Variants in LHFPL2 observed in about 807,000 individuals in gnomAD.
LHFPL2 encodes LHFPL tetraspan subfamily member 2.
LHFPL2 carries 7 observed loss-of-function variants against 17.5 expected under a neutral mutation model. The ratio of observed to expected loss-of-function variants is 0.40; its 90% CI spans 0.23 to 0.75. The LOEUF is 0.75. Among genes scored for constraint, LHFPL2 ranks in the 30% least tolerant of loss-of-function variants. LHFPL2 has a pLI of 0.37. For synonymous variants in LHFPL2, 134 were observed against 116.2 expected (o/e 1.15, Z -0.99); for missense variants, 241 against 294.8 (o/e 0.82, Z 1.34).
At chr5:78,634,833 T>C (rs944388818) in intron 1 of LHFPL2, among the ~76,000 whole-genome samples, 12 of 152,246 alleles carry the variant, frequency 7.9e-5, no homozygotes. Context: ...TGTTCCCATC[T>C]TTCCTGAGTA....
intron 2 of LHFPL2, among the ~76,000 whole-genome samples, chr5:78,571,460 G>A (rs1044836532): frequency 3.3e-5 from 5 of 152,072 alleles, no homozygotes; most frequent in African/African-American, 1.2e-4. Flanking sequence ...TCAGAGAGTG[G>A]TAGGGGTCAC....
intron 3 of LHFPL2, among the ~76,000 whole-genome samples, chr5:78,559,627 A>C (rs901290651): frequency 2.0e-5 from 3 of 152,210 alleles, no homozygotes; most frequent in Admixed American, 6.5e-5. Flanking sequence ...TTAAATCTTG[A>C]ATATCACTGT....
intron 2 of LHFPL2, among the ~76,000 whole-genome samples, chr5:78,620,017 AC>A (rs1744788671): frequency 1.8e-5 from 2 of 113,364 alleles, no homozygotes; most frequent in Non-Finnish European, 1.8e-5. Flanking sequence ...TTGGGTATAT[AC>A]CCAGTAATGG....
At chr5:78,517,785 C>A (rs1378645769) in intron 3 of LHFPL2, among the ~76,000 whole-genome samples, 1 of 152,200 alleles carries the variant, frequency 6.6e-6, no homozygotes, top group Non-Finnish European at 1.5e-5. Context: ...TGGGTGGGGA[C>A]ACAGCCAAAC....
intron 4 of LHFPL2, among the ~76,000 whole-genome samples, chr5:78,497,494 T>C (rs1754643967): frequency 6.6e-6 from 1 of 152,226 alleles, no homozygotes; most frequent in Non-Finnish European, 1.5e-5. Flanking sequence ...GTAAACTCCA[T>C]GAGGACAGGG....
chr5:78,568,523 A>G (rs184397162), intron 2 of LHFPL2, among the ~76,000 whole-genome samples: 2 of 152,284 alleles, frequency 1.3e-5, no homozygotes, highest in African/African-American at 4.8e-5. Context: ...TCAGTTACAG[A>G]TTGCTAAGAC....
intron 4 of LHFPL2, 109 bp from the exon 5 acceptor site, chr5:78,489,262 C>A: frequency 8.2e-7 from 1 of 1,221,990 alleles, no homozygotes; most frequent in Non-Finnish European, 1.2e-6. Flanking sequence ...GGCATCTATT[C>A]TGCAATAGAA....
At chr5:78,620,964 A>T (rs1744832806) in intron 2 of LHFPL2, among the ~76,000 whole-genome samples, 1 of 140,396 alleles carries the variant, frequency 7.1e-6, no homozygotes, top group African/African-American at 2.7e-5. Context: ...ATCATTCTCA[A>T]ACTCCTTTTT....
intron 2 of LHFPL2, among the ~76,000 whole-genome samples, chr5:78,631,064 A>C (rs1373797998): frequency 6.6e-6 from 1 of 152,262 alleles, no homozygotes; most frequent in Non-Finnish European, 1.5e-5. Flanking sequence ...AAGAAGAGTA[A>C]GGAAAACTGA....
chr5:78,615,431 T>C (rs978819591), intron 2 of LHFPL2, among the ~76,000 whole-genome samples: 1 of 152,196 alleles, frequency 6.6e-6, no homozygotes, highest in African/African-American at 2.4e-5. Flanking sequence ...AATCTTAAAC[T>C]GGTAATTAGA....
chr5:78,524,416 C>T (rs1024825970), intron 3 of LHFPL2, among the ~76,000 whole-genome samples: 1 of 152,160 alleles, frequency 6.6e-6, no homozygotes, highest in Non-Finnish European at 1.5e-5. Flanking sequence ...TGCTCTGTTC[C>T]AACAATAATA....
intron 3 of LHFPL2, among the ~76,000 whole-genome samples, chr5:78,515,265 T>C (rs929667893): frequency 1.3e-5 from 2 of 152,180 alleles, no homozygotes; most frequent in African/African-American, 4.8e-5. Flanking sequence ...CCCAACCTAT[T>C]CCACCCCATC....
intron 3 of LHFPL2, among the ~76,000 whole-genome samples, chr5:78,536,067 CTAACGCT>C (rs1755942876): frequency 6.6e-6 from 1 of 152,148 alleles, no homozygotes. Context: ...CCAAAGCTAA[CTAACGCT>C]TATCAGGAGC....
chr5:78,489,172 A>G lies in LHFPL2; in HGVS notation c.431-19T>C, dbSNP rs1396536310. The G allele has an allele frequency of 1.9e-6, 3 of 1,612,748 alleles. No individual in the cohort carries two copies. The highest frequency in any genetic ancestry group is 1.1e-5 in the South Asian group (1 of 91,036). ...AATAGACCTGCAGAACAAAAGAGAA[A>G]ACAGATTAGAAAATCCCCATGGTGC... is the stretch of plus-strand genomic sequence containing the variant. On this transcript the variant is annotated intron_variant, in intron 4 of 4. Coordinates refer to ENST00000380345, the MANE Select transcript of LHFPL2 (RefSeq NM_005779.3).
In LHFPL2 at chr5:78,504,752, C is replaced by A. The variant is rs577918959; in HGVS notation, c.430+5032G>T. Among the ~76,000 whole-genome samples, 16 of 152,286 alleles carry A rather than the reference C, an allele frequency of 1.1e-4. No homozygotes were observed. The East Asian group carries it at 1.7e-3, about 17-fold the overall frequency. Reference sequence around the variant, plus strand: ...CCAAGAAGGCTGAGCCTGCATACACCAGGCCCTTCACCGCCACTGCCAGCG... The same window carrying A: ...CCAAGAAGGCTGAGCCTGCATACACAAGGCCCTTCACCGCCACTGCCAGCG... On this transcript the variant is annotated intron_variant, in intron 4 of 4. Transcript: ENST00000380345.
chr5:78,606,598 G>A (rs1224767621), intron 2 of LHFPL2, among the ~76,000 whole-genome samples: 2 of 152,174 alleles, frequency 1.3e-5, no homozygotes, highest in Non-Finnish European at 2.9e-5. Flanking sequence ...GAGGGTGGGC[G>A]GGGGTGAAAT....
At chr5:78,499,650 C>T (rs1754712689) in intron 4 of LHFPL2, among the ~76,000 whole-genome samples, 2 of 152,132 alleles carry the variant, frequency 1.3e-5, no homozygotes, top group African/African-American at 4.8e-5. Context: ...GATTAGAGAG[C>T]AGGTGATAAG....
chr5:78,557,056 C>T (rs940090352), intron 3 of LHFPL2, among the ~76,000 whole-genome samples: 1 of 151,968 alleles, frequency 6.6e-6, no homozygotes, highest in African/African-American at 2.4e-5. Flanking sequence ...CCTAGTCCAG[C>T]CATAATAATA....
At chr5:78,491,524 C>T (rs994293061) in intron 4 of LHFPL2, among the ~76,000 whole-genome samples, 23 of 152,216 alleles carry the variant, frequency 1.5e-4, no homozygotes, top group African/African-American at 5.5e-4. Flanking sequence ...CAGAAAAGAC[C>T]CCATAGTCTA....
Sources: allele counts gnomAD v4.1 joint callset (sites outside exome capture counted in the v4.1 genomes callset), GRCh38; gene constraint gnomAD v4.1.1; transcripts MANE v1.5; gene names NCBI Gene and HGNC (gene_info 2026-07-23, HGNC 2026-07-21).